AKT3: variants seen among roughly 807,000 people sequenced by gnomAD.
The protein encoded by AKT3 is AKT serine/threonine kinase 3.
A neutral mutation model predicts 65.3 loss-of-function variants in AKT3; 15 were observed. That is an observed-to-expected ratio of 0.23 (90% CI 0.15 to 0.35). The LOEUF is 0.35. AKT3 is among the 10% of genes least tolerant of loss of function. AKT3 has a pLI of 1.00. For missense variants in AKT3, 243 were observed against 576.5 expected (o/e 0.42, Z 5.92); for synonymous variants, 206 against 183.8 (o/e 1.12, Z -0.98).
At chr1:243,730,310 C>A (rs1012693743) in intron 2 of AKT3, among the ~76,000 whole-genome samples, 2 of 152,208 alleles carry the variant, frequency 1.3e-5, no homozygotes, top group African/African-American at 4.8e-5. Context: ...CTCTGCTGAG[C>A]TGTTCTGCTA....
intron 3 of AKT3, among the ~76,000 whole-genome samples, chr1:243,684,594 T>C (rs1386799118): frequency 6.6e-6 from 1 of 152,204 alleles, no homozygotes; most frequent in Non-Finnish European, 1.5e-5. Context: ...TCTTTGCTAT[T>C]GTGAATAGGG....
chr1:243,548,292 G>C (rs1672815021), intron 11 of AKT3: 1 of 152,164 alleles, frequency 6.6e-6, no homozygotes, highest in Non-Finnish European at 1.5e-5. Context: ...TTGGAGTGGA[G>C]AATCATAATC....
In AKT3 at chr1:243,566,945, G is replaced by C. The variant is rs536669191; in HGVS notation, c.820-3097C>G. 3.3e-5 allele frequency among the ~76,000 whole-genome samples: 5 copies of C among 152,254 alleles called. No homozygotes were observed. In the South Asian group the frequency reaches 1.0e-3, roughly 32 times the overall value. ...AAACATTTCTGTTGGCTCAATGACTGCATTAAAAATACTTTTCAATATGCA... is the reference window on the plus strand; with the variant it reads ...AAACATTTCTGTTGGCTCAATGACTCCATTAAAAATACTTTTCAATATGCA... On this transcript the variant is annotated intron_variant, in intron 9 of 13. Coordinates refer to ENST00000673466, the MANE Select transcript of AKT3 (RefSeq NM_005465.7).
chr1:243,490,265 G>A (rs1194537922), intron 13 of AKT3, among the ~76,000 whole-genome samples: 2 of 152,240 alleles, frequency 1.3e-5, no homozygotes, highest in South Asian at 4.1e-4. Context: ...GCTAAGGCCT[G>A]GAGGTGGAAA....
intron 6 of AKT3, among the ~76,000 whole-genome samples, chr1:243,626,319 G>A (rs1449515498): frequency 6.6e-6 from 1 of 152,140 alleles, no homozygotes; most frequent in African/African-American, 2.4e-5. Flanking sequence ...CTAAGAGATG[G>A]GATGAATAAA....
chr1:243,760,598 T>A (rs1015623735), intron 2 of AKT3, among the ~76,000 whole-genome samples: 1 of 152,082 alleles, frequency 6.6e-6, no homozygotes, highest in Non-Finnish European at 1.5e-5. Flanking sequence ...AGCAAAAAAA[T>A]TTGAATAAAC....
intron 6 of AKT3, among the ~76,000 whole-genome samples, chr1:243,626,118 C>T (rs191863514): frequency 8.5e-5 from 13 of 152,198 alleles, no homozygotes; most frequent in African/African-American, 1.7e-4. Context: ...GAAGGGGCCC[C>T]GCTAGGCAGG....
chr1:243,835,618 A>T (rs980721775), intron 2 of AKT3, among the ~76,000 whole-genome samples: 1 of 152,200 alleles, frequency 6.6e-6, no homozygotes, highest in Non-Finnish European at 1.5e-5. Flanking sequence ...AGAAATTTTA[A>T]TACCAAAGAT....
chr1:243,616,925 G>A (rs535077407), intron 6 of AKT3, among the ~76,000 whole-genome samples: 280 of 152,224 alleles, frequency 1.8e-3, no homozygotes, highest in Non-Finnish European at 2.9e-3. Flanking sequence ...ATGTCATATC[G>A]TACTATAGTT....
At chr1:243,762,211 T>C (rs891623929) in intron 2 of AKT3, among the ~76,000 whole-genome samples, 15 of 151,968 alleles carry the variant, frequency 9.9e-5, no homozygotes. Context: ...AAAATAATCA[T>C]TTATTCTGTT....
intron 4 of AKT3, among the ~76,000 whole-genome samples, chr1:243,647,215 T>G (rs1680888643): frequency 1.3e-5 from 2 of 152,224 alleles, no homozygotes; most frequent in Non-Finnish European, 2.9e-5. Context: ...AATGTTTCAG[T>G]CAATGATGGA....
At chr1:243,651,184 A>C (rs1390691940) in intron 4 of AKT3, among the ~76,000 whole-genome samples, 1 of 152,084 alleles carries the variant, frequency 6.6e-6, no homozygotes, top group Non-Finnish European at 1.5e-5. Context: ...GAGTTCACTC[A>C]TGGTTTGGCT....
intron 2 of AKT3, among the ~76,000 whole-genome samples, chr1:243,789,749 TAGAAA>T (rs1691500709): frequency 1.3e-5 from 2 of 152,328 alleles, no homozygotes; most frequent in Non-Finnish European, 2.9e-5. Flanking sequence ...GCCATACCCT[TAGAAA>T]ATGTATTTCT....
chr1:243,792,395 C>T (rs1691687648), intron 2 of AKT3, among the ~76,000 whole-genome samples: 1 of 152,150 alleles, frequency 6.6e-6, no homozygotes, highest in Non-Finnish European at 1.5e-5. Context: ...ACTGCCCTCC[C>T]AGAGCTTCCA....
chr1:243,841,135 TA>T (rs1437128075), intron 2 of AKT3, among the ~76,000 whole-genome samples: 1 of 152,028 alleles, frequency 6.6e-6, no homozygotes, highest in African/African-American at 2.4e-5. Context: ...CATCTCAAAA[TA>T]AACACATACA....
intron 13 of AKT3, among the ~76,000 whole-genome samples, chr1:243,492,392 C>T (rs1206918977): frequency 2.6e-4 from 38 of 148,114 alleles, no homozygotes; most frequent in African/African-American, 9.0e-4. Context: ...ACCTCCGCCT[C>T]CCGGCTTCAA....
At chr1:243,791,516 C>T (rs1691630520) in intron 2 of AKT3, among the ~76,000 whole-genome samples, 1 of 152,138 alleles carries the variant, frequency 6.6e-6, no homozygotes, top group Non-Finnish European at 1.5e-5. Flanking sequence ...CAAACCAGAG[C>T]ATTAAGTAAA....
intron 12 of AKT3, among the ~76,000 whole-genome samples, chr1:243,541,756 TA>T (rs1438133158): frequency 6.6e-6 from 1 of 152,094 alleles, no homozygotes; most frequent in Non-Finnish European, 1.5e-5. Context: ...AGAAATGAAG[TA>T]AAACTTTATT....
At chr1:243,663,984 C>A (rs1682580885) in intron 4 of AKT3, among the ~76,000 whole-genome samples, 1 of 152,178 alleles carries the variant, frequency 6.6e-6, no homozygotes, top group Admixed American at 6.5e-5. Flanking sequence ...TAATGACAGT[C>A]AATGCTAATT....
Sources: gnomAD v4.1 joint callset for allele counts (sites outside exome capture counted in the v4.1 genomes callset) on GRCh38, gnomAD v4.1.1 for gene constraint, MANE v1.5 for transcripts, NCBI Gene and HGNC (gene_info 2026-07-23, HGNC 2026-07-21) for gene names.